The following PDE1C variants were observed in gnomAD, a reference collection of about 807,000 sequenced individuals.
PDE1C encodes phosphodiesterase 1C, also known as dual specificity calcium/calmodulin-dependent 3',5'-cyclic nucleotide phosphodiesterase 1C.
Under a neutral mutation model 93.1 loss-of-function variants are expected in PDE1C, and 62 were observed. The ratio of observed to expected loss-of-function variants is 0.67; its 90% CI spans 0.54 to 0.82. The LOEUF (loss-of-function observed/expected upper bound fraction) is 0.82, where lower values mean the gene tolerates loss of function less well. PDE1C is among the 40% of genes least tolerant of loss of function. The pLI is 0.00. For synonymous variants in PDE1C, 325 were observed against 310.1 expected (o/e 1.05, Z -0.50); for missense variants, 742 against 884.6 (o/e 0.84, Z 2.04).
chr7:32,297,705 G>A (rs981799082), intron 1 of PDE1C, among the ~76,000 whole-genome samples: 7 of 152,154 alleles, frequency 4.6e-5, no homozygotes, highest in Non-Finnish European at 1.0e-4. Context: ...AGGGTTTTGG[G>A]GGAAAGAAAA....
rs1043510985 is a variant in PDE1C, at chr7:32,276,032, A to T, written c.85+22619T>A. The stretch of plus-strand genomic sequence containing the variant: ...CTCAATATCCAATTTATGAAAATGC[A>T]AACATATTTTCATTTACTTTGGGTA... On this transcript the variant is annotated intron_variant, in intron 1 of 18. Transcript: ENST00000396193. Among the ~76,000 whole-genome samples the T allele has an allele frequency of 5.5e-4, 83 of 152,230 alleles. 1 individual carries two copies. The highest frequency in any genetic ancestry group is 1.8e-3 in the African/African-American group (73 of 41,462).
chr7:31,648,677 G>A, the PDE1C span, among the ~76,000 whole-genome samples: 1 of 152,154 alleles, frequency 6.6e-6, no homozygotes, highest in African/African-American at 2.4e-5. Flanking sequence ...ACACTTCCAT[G>A]ATCCTGGCGT....
intron 3 of PDE1C, among the ~76,000 whole-genome samples, chr7:32,104,603 T>A (rs1417625070): frequency 6.6e-6 from 1 of 152,104 alleles, no homozygotes; most frequent in Non-Finnish European, 1.5e-5. Flanking sequence ...ACACTAAATA[T>A]TGACGATGGA....
the PDE1C span, among the ~76,000 whole-genome samples, chr7:31,718,707 C>T: frequency 1.3e-5 from 2 of 152,190 alleles, no homozygotes; most frequent in Non-Finnish European, 2.9e-5. Context: ...TACCAACCAC[C>T]TTCCCATAGG....
At chr7:32,341,176 T>TTTTTC (rs1313902535) in intron 1 of PDE1C, among the ~76,000 whole-genome samples, 1 of 107,952 alleles carries the variant, frequency 9.3e-6, no homozygotes, top group East Asian at 3.0e-4. Context: ...ATAAAGTCTT[T>TTTTTC]TTTTTTTTTT....
chr7:31,707,211 A>T, the PDE1C span: 1 of 1,613,750 alleles, frequency 6.2e-7, no homozygotes. Flanking sequence ...CAGGTGTGAC[A>T]TTGCTCAGGG....
intron 17 of PDE1C, among the ~76,000 whole-genome samples, chr7:31,756,313 G>A (rs1794464558): frequency 6.6e-6 from 1 of 152,110 alleles, no homozygotes; most frequent in South Asian, 2.1e-4. Context: ...TTTACTTCTG[G>A]AGTCTTCCTC....
In PDE1C at chr7:31,927,633, C is replaced by T. The variant is rs200263636; in HGVS notation, c.129-46773G>A. 3.9e-5 allele frequency among the ~76,000 whole-genome samples: 6 copies of T among 152,258 alleles called. No individual in the cohort carries two copies. In the South Asian group the frequency reaches 6.2e-4, roughly 16 times the overall value. ...GCAATCTTTGCTTTTCTGCAGCCTC[C>T]GCTGGTGATACCCAGGCAAACAGGG... On this transcript the variant is annotated intron_variant, in intron 2 of 17. Transcript: ENST00000396191.
At chr7:31,839,616 A>T (rs991063705) in intron 9 of PDE1C, among the ~76,000 whole-genome samples, 1 of 152,172 alleles carries the variant, frequency 6.6e-6, no homozygotes. Flanking sequence ...TCTAGTTTGG[A>T]ACTATTGTGA....
intron 3 of PDE1C, among the ~76,000 whole-genome samples, chr7:32,151,795 G>A (rs1319543831): frequency 6.6e-6 from 1 of 152,146 alleles, no homozygotes; most frequent in Non-Finnish European, 1.5e-5. Flanking sequence ...AACAGAGAAC[G>A]AAGAAATTTT....
intron 3 of PDE1C, 154 bp from the exon 4 acceptor site, chr7:31,879,332 G>A: frequency 1.5e-6 from 1 of 646,712 alleles, no homozygotes; most frequent in Non-Finnish European, 2.6e-6. Flanking sequence ...TTTTGGTAAG[G>A]CTTATGTAAG....
At chr7:31,853,199 G>T (rs1323739205) in intron 7 of PDE1C, among the ~76,000 whole-genome samples, 2 of 152,012 alleles carry the variant, frequency 1.3e-5, no homozygotes, top group Non-Finnish European at 2.9e-5. Context: ...AACAATGAAT[G>T]GTTAAACAGG....
chr7:32,361,366 A>G (rs1005471921), intron 1 of PDE1C, among the ~76,000 whole-genome samples: 1 of 152,280 alleles, frequency 6.6e-6, no homozygotes, highest in African/African-American at 2.4e-5. Flanking sequence ...CACCCAAAGC[A>G]GCAGGATTAT....
chr7:31,983,966 G>C (rs548897021), intron 2 of PDE1C, among the ~76,000 whole-genome samples: 5 of 152,240 alleles, frequency 3.3e-5, no homozygotes, highest in Non-Finnish European at 5.9e-5. Flanking sequence ...AGATGCTGCA[G>C]GCTGCCCAAA....
At chr7:32,042,823 G>T (rs949808816) in intron 2 of PDE1C, among the ~76,000 whole-genome samples, 1 of 152,148 alleles carries the variant, frequency 6.6e-6, no homozygotes, top group Non-Finnish European at 1.5e-5. Context: ...TGCAGATGTT[G>T]TTCAGTGACC....
chr7:31,851,073 C>T lies in PDE1C; in HGVS notation c.751-332G>A, dbSNP rs1275658905. Among the ~76,000 whole-genome samples the T allele has an allele frequency of 1.7e-4, 6 of 34,752 alleles. No homozygotes were observed. In the Admixed American group the frequency reaches 2.9e-3, roughly 17 times the overall value. The allele number at this position is 34,752 out of a possible 152,430, so 22.8% of individuals were successfully genotyped here. On this transcript the variant is annotated intron_variant, in intron 7 of 17. Coordinates refer to ENST00000396191, the MANE Select transcript of PDE1C (RefSeq NM_001191057.4). ...AAGTTCCTAGGTAGACACACACACA[C>T]ACACACACACACACACACACACACA...
At chr7:31,961,825 T>C (rs1400340295) in intron 2 of PDE1C, among the ~76,000 whole-genome samples, 2 of 152,162 alleles carry the variant, frequency 1.3e-5, no homozygotes, top group African/African-American at 2.4e-5. Context: ...AATAAAAATA[T>C]CTCCAGAAAC....
At chr7:31,698,718 T>A in the PDE1C span, among the ~76,000 whole-genome samples, 25 of 152,200 alleles carry the variant, frequency 1.6e-4, 2 homozygotes, top group Admixed American at 1.1e-3. Flanking sequence ...TAATAGAAAG[T>A]CTGCTAGGGA....
intron 2 of PDE1C, among the ~76,000 whole-genome samples, chr7:32,172,074 T>C (rs906403970): frequency 1.3e-5 from 2 of 151,620 alleles, no homozygotes; most frequent in Admixed American, 6.6e-5. Context: ...ATAAATCATA[T>C]ATAATTAATT....
Sources: gnomAD v4.1 joint callset for allele counts (sites outside exome capture counted in the v4.1 genomes callset) on GRCh38, gnomAD v4.1.1 for gene constraint, MANE v1.5 for transcripts, NCBI Gene and HGNC (gene_info 2026-07-23, HGNC 2026-07-21) for gene names.